The following CCDC7 variants were observed in gnomAD, a reference collection of about 807,000 sequenced individuals.
CCDC7 encodes coiled-coil domain-containing protein 7.
In CCDC7, 183 loss-of-function variants were observed where a neutral mutation model predicts 196.9. The ratio of observed to expected loss-of-function variants is 0.93; its 90% CI spans 0.82 to 1.05. The LOEUF (loss-of-function observed/expected upper bound fraction) is 1.05, where lower values mean the gene tolerates loss of function less well. Ranked by LOEUF, CCDC7 falls within the 50% of genes least tolerant of loss-of-function variation. The probability of loss-of-function intolerance (pLI) is 0.00; values close to 1 mark genes in which losing one functional copy is unlikely to be tolerated. For missense variants in CCDC7, 1,540 were observed against 1,482.2 expected, an observed-to-expected ratio of 1.04 and a Z score of -0.64; for synonymous variants, 525 against 484.6, an observed-to-expected ratio of 1.08 and a Z score of -1.10.
intron 13 of CCDC7, among the ~76,000 whole-genome samples, chr10:32,561,291 C>T (rs954660912): frequency 5.9e-5 from 9 of 152,260 alleles, no homozygotes; most frequent in African/African-American, 2.2e-4. Context: ...AGCTCTGCAC[C>T]AAGCAGACCT....
chr10:32,872,501 G>T (rs1381483212), intron 41 of CCDC7, among the ~76,000 whole-genome samples: 1 of 152,158 alleles, frequency 6.6e-6, no homozygotes, highest in East Asian at 1.9e-4. Context: ...CAATTTGCCA[G>T]TCTGTGTCTT....
Position 32,498,733 on chromosome 10 carries a change from G to A in CCDC7, c.872+6736G>A, listed in dbSNP as rs117666179. On this transcript the variant is annotated intron_variant, in intron 9 of 41. Coordinates refer to ENST00000639629, the Ensembl canonical transcript of CCDC7. ...GCCCCCAATCTCTTCTGGCTTGCAT[G>A]TTTTCTGCTGAGAGATCTGCTGTTA... Among the ~76,000 whole-genome samples the A allele has an allele frequency of 1.5e-3, 225 of 151,980 alleles. 7 individuals carry two copies. In the East Asian group the frequency reaches 0.042, roughly 28 times the overall value.
intron 25 of CCDC7, among the ~76,000 whole-genome samples, chr10:32,719,668 T>A (rs1029733609): frequency 6.6e-6 from 1 of 151,862 alleles, no homozygotes; most frequent in Non-Finnish European, 1.5e-5. Context: ...TTAAACAAAT[T>A]TACAAGAAAA....
At position 32,582,140 on chromosome 10, in the gene CCDC7, A is replaced by G. The variant is rs1484527615; in HGVS notation, c.1455-894A>G. ...TATATATATATATATATATATATAT[A>G]CTTTTTTTTTCAGAGCTGTCCTCTC... On this transcript the variant is annotated intron_variant, in intron 16 of 41. Coordinates refer to ENST00000639629, the Ensembl canonical transcript of CCDC7. Among the ~76,000 whole-genome samples the G allele has an allele frequency of 5.4e-5, 7 of 128,572 alleles. 1 individual carries two copies. Among genetic ancestry groups the G allele is most frequent in the East Asian group, 2.1e-4 (1 of 4,654 alleles). 84.3% of individuals were successfully genotyped at this position (128,572 alleles called of 152,430 possible). A position where few individuals can be genotyped will look rare whatever the true frequency, so the allele number is the denominator to read the frequency against.
At chr10:32,564,251 C>T (rs1305555891) in intron 13 of CCDC7, among the ~76,000 whole-genome samples, 1 of 152,126 alleles carries the variant, frequency 6.6e-6, no homozygotes, top group East Asian at 1.9e-4. Context: ...GGCGATTCCT[C>T]AGGGATCTAG....
chr10:32,645,931 A>G (rs897421774), intron 20 of CCDC7, among the ~76,000 whole-genome samples: 18 of 151,698 alleles, frequency 1.2e-4, no homozygotes, highest in African/African-American at 4.3e-4. Flanking sequence ...CCTCACTTTT[A>G]TTTTTAGTCT....
intron 41 of CCDC7, among the ~76,000 whole-genome samples, chr10:32,860,325 T>A (rs1287208412): frequency 1.3e-5 from 2 of 152,178 alleles, no homozygotes; most frequent in East Asian, 3.8e-4. Context: ...CATGATTATT[T>A]CAATAGATGC....
chr10:32,548,112 C>T (rs879358339), intron 13 of CCDC7, among the ~76,000 whole-genome samples: 1 of 152,152 alleles, frequency 6.6e-6, no homozygotes, highest in Non-Finnish European at 1.5e-5. Context: ...AATTTTACTT[C>T]TATAGAAGGG....
chr10:32,502,291 G>C (rs2044191116), intron 9 of CCDC7, among the ~76,000 whole-genome samples: 1 of 152,176 alleles, frequency 6.6e-6, no homozygotes, highest in Admixed American at 6.5e-5. Flanking sequence ...GTCTCTCATG[G>C]CTTCCCTTGG....
At chr10:32,752,479 G>A (rs1452268076) in intron 28 of CCDC7, among the ~76,000 whole-genome samples, 3 of 152,042 alleles carry the variant, frequency 2.0e-5, no homozygotes, top group South Asian at 4.1e-4. Flanking sequence ...CTAGTCCCAC[G>A]TATAGTGGAG....
At chr10:32,548,802 C>T (rs924686116) in intron 13 of CCDC7, among the ~76,000 whole-genome samples, 8 of 152,108 alleles carry the variant, frequency 5.3e-5, no homozygotes, top group African/African-American at 1.2e-4. Flanking sequence ...TTTCTTTATC[C>T]ACTTGTTGAT....
At chr10:32,860,592 C>A (rs1019041878) in intron 41 of CCDC7, among the ~76,000 whole-genome samples, 2 of 151,958 alleles carry the variant, frequency 1.3e-5, no homozygotes, top group South Asian at 4.1e-4. Context: ...AGAAATAAAG[C>A]GTATTCACTT....
rs576259897 is a variant in CCDC7, at chr10:32,872,085, G to C, written c.4112-4262G>C. Among the ~76,000 whole-genome samples, 13 of 152,252 alleles carry C rather than the reference G, an allele frequency of 8.5e-5. 1 individual carries two copies. The South Asian group carries it at 2.7e-3, about 32-fold the overall frequency. ...TGCTGGAAAGATTGTATATTCTGTT[G>C]ATTTGGGGTGGAGAGTTCTGTAGAT... On this transcript the variant is annotated intron_variant, in intron 41 of 41. Transcript: ENST00000639629.
chr10:32,627,368 T>C (rs2064200977), intron 18 of CCDC7, among the ~76,000 whole-genome samples: 1 of 152,030 alleles, frequency 6.6e-6, no homozygotes, highest in Non-Finnish European at 1.5e-5. Context: ...TTTATGTGTG[T>C]TAATTTGTAT....
Position 32,731,461 on chromosome 10 carries a change from A to G in CCDC7, c.2905+2004A>G, listed in dbSNP as rs1428075765. 4.6e-5 allele frequency among the ~76,000 whole-genome samples: 7 copies of G among 151,712 alleles called. No individual in the cohort carries two copies. In the East Asian group the frequency reaches 1.4e-3, roughly 29 times the overall value. On this transcript the variant is annotated intron_variant, in intron 28 of 41. Transcript: ENST00000639629. ...GTGCTTTTCAGTTTTTTTTTGTCTGATTCAGATTACTTTCTATTTTATTTC... is the reference window on the plus strand; with the variant it reads ...GTGCTTTTCAGTTTTTTTTTGTCTGGTTCAGATTACTTTCTATTTTATTTC...
intron 5 of CCDC7, among the ~76,000 whole-genome samples, chr10:32,467,680 A>G (rs777066782): frequency 6.6e-6 from 1 of 152,058 alleles, no homozygotes; most frequent in Non-Finnish European, 1.5e-5. Context: ...CCAGAATGGT[A>G]TTGCCTAGGT....
rs1336411867 is a variant in CCDC7, at chr10:32,847,882, TG to T, written c.3740del (p.Gly1247ValfsTer3). On this transcript the variant is annotated frameshift_variant, in exon 38 of 42. Coordinates refer to ENST00000639629, the Ensembl canonical transcript of CCDC7. LOFTEE classifies it high-confidence loss of function. ...ATGCCATTGGTTCAAGTAAAACAAT[TG>T]GTGAGATAAAGACACAACTAAGGAC... 2 of 1,610,982 alleles carry T rather than the reference TG, an allele frequency of 1.2e-6. No individual in the cohort carries two copies. The highest frequency in any genetic ancestry group is 2.7e-5 in the African/African-American group (2 of 74,810).
intron 28 of CCDC7, among the ~76,000 whole-genome samples, chr10:32,760,958 T>C (rs955725606): frequency 5.3e-5 from 8 of 152,038 alleles, no homozygotes; most frequent in African/African-American, 1.9e-4. Flanking sequence ...AGACCCCAAA[T>C]TGTGTGCTAG....
chr10:32,783,480 G>A (rs2081356918), intron 29 of CCDC7, among the ~76,000 whole-genome samples: 1 of 152,156 alleles, frequency 6.6e-6, no homozygotes, highest in African/African-American at 2.4e-5. Flanking sequence ...CCATTAAGAT[G>A]ACTCTCATTA....
Sources: gnomAD v4.1 joint callset for allele counts (sites outside exome capture counted in the v4.1 genomes callset) on GRCh38, gnomAD v4.1.1 for gene constraint, MANE v1.5 for transcripts, NCBI Gene and HGNC (gene_info 2026-07-23, HGNC 2026-07-21) for gene names.